The following CDKL5 variants were observed in gnomAD, a reference collection of about 807,000 sequenced individuals.
The protein encoded by CDKL5 is cyclin-dependent kinase-like 5.
Under a neutral mutation model 61.7 loss-of-function variants are expected in CDKL5, and 8 were observed. The ratio of observed to expected loss-of-function variants is 0.13; its 90% CI spans 0.08 to 0.23. CDKL5 has a LOEUF of 0.23. Ranked by LOEUF, CDKL5 falls within the 10% of genes least tolerant of loss-of-function variation. The pLI, the probability that CDKL5 is intolerant of heterozygous loss-of-function variation, is 1.00. For synonymous variants in CDKL5, 275 were observed against 272.3 expected, an observed-to-expected ratio of 1.01 and a Z score of -0.10; for missense variants, 440 against 734.5, an observed-to-expected ratio of 0.60 and a Z score of 4.63.
Position 18,522,794 on chromosome X carries a change from T to A in CDKL5, c.99+11940T>A, listed in dbSNP as rs921997524. ...TGCCAGTGTATAGAAATATTATCGATTTTTTTTTTTTTTTTTTTGGAGACA... is the reference window on the plus strand; with the variant it reads ...TGCCAGTGTATAGAAATATTATCGAATTTTTTTTTTTTTTTTTTGGAGACA... On this transcript the variant is annotated intron_variant, in intron 3 of 17. Transcript: ENST00000623535. 4.8e-3 allele frequency among the ~76,000 whole-genome samples: 425 copies of A among 87,853 alleles called. 2 individuals carry two copies. In the Middle Eastern group the frequency reaches 0.052, roughly 11 times the overall value. 76.3% of individuals were successfully genotyped at this position (87,853 alleles called of 115,157 possible). A position where few individuals can be genotyped will look rare whatever the true frequency, so the allele number is the denominator to read the frequency against.
intron 4 of CDKL5, among the ~76,000 whole-genome samples, chrX:18,569,910 A>G (rs1925085166): frequency 9.0e-6 from 1 of 111,412 alleles, no homozygotes; most frequent in East Asian, 2.8e-4. Flanking sequence ...GCTTTTATAT[A>G]AAATAAAATT....
intron 15 of CDKL5, among the ~76,000 whole-genome samples, chrX:18,618,054 TCCTAGGA>T (rs905537027): frequency 5.3e-5 from 6 of 112,452 alleles, no homozygotes; most frequent in Non-Finnish European, 1.1e-4. Flanking sequence ...TCCTACTTCC[TCCTAGGA>T]CTGGTGTCTC....
At chrX:18,456,149 C>G (rs1200864974) in intron 1 of CDKL5, among the ~76,000 whole-genome samples, 2 of 109,262 alleles carry the variant, frequency 1.8e-5, no homozygotes, top group African/African-American at 6.7e-5. Context: ...AAGTGATTCT[C>G]CTGCCACAGC....
At chrX:18,524,547 T>C in intron 3 of CDKL5, among the ~76,000 whole-genome samples, 1 of 112,267 alleles carries the variant, frequency 8.9e-6, no homozygotes, top group East Asian at 2.8e-4. Flanking sequence ...CCTTCCAGTC[T>C]GTGGCATGTC....
Position 18,619,270 on chromosome X carries a change from G to A in CDKL5, c.2277-597G>A, listed in dbSNP as rs181258477. 6.7e-3 allele frequency among the ~76,000 whole-genome samples: 723 copies of A among 108,372 alleles called. 4 individuals are homozygous for A. Among genetic ancestry groups the A allele is most frequent in the Non-Finnish European group, 9.6e-3 (501 of 52,354 alleles). The allele number at this position is 108,372 out of a possible 115,157, so 94.1% of individuals were successfully genotyped here. A position where few individuals can be genotyped will look rare whatever the true frequency, so the allele number is the denominator to read the frequency against. On this transcript the variant is annotated intron_variant, in intron 15 of 17. Coordinates refer to ENST00000623535, the MANE Select transcript of CDKL5 (RefSeq NM_001323289.2). ...GCCTCCCAAAGTGCTAGGATTACAGGTGTGAGCCACTGCACCTGTCCCTAC... is the reference window on the plus strand; with the variant it reads ...GCCTCCCAAAGTGCTAGGATTACAGATGTGAGCCACTGCACCTGTCCCTAC...
chrX:18,453,127 A>G (rs773711382), intron 1 of CDKL5, among the ~76,000 whole-genome samples: 13 of 111,584 alleles, frequency 1.2e-4, no homozygotes, highest in Admixed American at 2.9e-4. Flanking sequence ...ACTGGGCCTC[A>G]AGTGTTTTTA....
intron 1 of CDKL5, among the ~76,000 whole-genome samples, chrX:18,472,828 G>A (rs1921146824): frequency 9.1e-6 from 1 of 109,715 alleles, no homozygotes; most frequent in Non-Finnish European, 1.9e-5. Flanking sequence ...GGATTTTAGG[G>A]CATGATAAGA....
At chrX:18,618,873 G>A (rs1926800015) in intron 15 of CDKL5, among the ~76,000 whole-genome samples, 2 of 111,033 alleles carry the variant, frequency 1.8e-5, no homozygotes, top group Non-Finnish European at 3.8e-5. Flanking sequence ...GGAGGCTGAG[G>A]CAGGAGAATC....
intron 4 of CDKL5, among the ~76,000 whole-genome samples, chrX:18,568,209 T>A (rs1237532048): frequency 8.9e-6 from 1 of 112,246 alleles, no homozygotes; most frequent in Non-Finnish European, 1.9e-5. Context: ...GAATATTTTG[T>A]GAGAATATAT....
intron 1 of CDKL5, among the ~76,000 whole-genome samples, chrX:18,483,873 G>T (rs988412853): frequency 8.9e-6 from 1 of 112,146 alleles, no homozygotes; most frequent in Admixed American, 9.5e-5. Flanking sequence ...AATTTGAAAT[G>T]TCTGTGGGTT....
At chrX:18,599,859 G>A (rs923995125) in intron 11 of CDKL5, among the ~76,000 whole-genome samples, 6 of 111,930 alleles carry the variant, frequency 5.4e-5, no homozygotes, top group African/African-American at 1.9e-4. Context: ...TTTTGAGACA[G>A]TGTCTTGCTC....
At chrX:18,509,243 A>ACACACACC (rs1922733807) in intron 2 of CDKL5, among the ~76,000 whole-genome samples, 1 of 97,925 alleles carries the variant, frequency 1.0e-5, no homozygotes, top group Admixed American at 1.2e-4. Flanking sequence ...ACACACACAC[A>ACACACACC]CACCCCTGTC....
Position 18,598,026 on chromosome X carries a change from G to A in CDKL5, c.826-436G>A, listed in dbSNP as rs1671537382. ...GTATAGGGAATATCTATGGAAGGAT[G>A]CCTAAGAAACTGGTAACCTAGGCTG... On this transcript the variant is annotated intron_variant, in intron 10 of 17. Transcript: ENST00000623535. 4.5e-5 allele frequency among the ~76,000 whole-genome samples: 5 copies of A among 111,670 alleles called. No homozygotes were observed. The South Asian group carries it at 1.9e-3, about 42-fold the overall frequency.
Position 18,588,157 on chromosome X carries a change from C to A in CDKL5, c.744+14C>A. The A allele has an allele frequency of 1.7e-6, 2 of 1,182,721 alleles. No homozygotes were observed. The highest frequency in any genetic ancestry group is 2.3e-6 in the Non-Finnish European group (2 of 869,324). ...CATGGGCTCCGGGTAAGAGGTTTTGCTGAAACCCAAAATGGAATCAATACT... is the reference window on the plus strand; with the variant it reads ...CATGGGCTCCGGGTAAGAGGTTTTGATGAAACCCAAAATGGAATCAATACT... On this transcript the variant is annotated intron_variant, in intron 9 of 17. Coordinates refer to ENST00000623535, the MANE Select transcript of CDKL5 (RefSeq NM_001323289.2).
At chrX:18,465,648 G>A (rs1932385337) in intron 1 of CDKL5, among the ~76,000 whole-genome samples, 1 of 111,391 alleles carries the variant, frequency 9.0e-6, no homozygotes, top group South Asian at 3.8e-4. Context: ...CAGCCTGGGC[G>A]ATAGAGTGAG....
chrX:18,518,798 CTT>C (rs373457561), intron 3 of CDKL5, among the ~76,000 whole-genome samples: 2 of 102,253 alleles, frequency 2.0e-5, no homozygotes, highest in African/African-American at 3.5e-5. Context: ...AAACCTTTCC[CTT>C]TTTTTTTTTT....
intron 3 of CDKL5, among the ~76,000 whole-genome samples, chrX:18,552,503 T>C (rs1248052276): frequency 2.7e-5 from 3 of 112,290 alleles, no homozygotes; most frequent in Non-Finnish European, 3.8e-5. Context: ...CCTTTTTTGC[T>C]GAGCACATTT....
At chrX:18,628,144 G>T (rs372618326) in intron 17 of CDKL5, among the ~76,000 whole-genome samples, 1 of 111,773 alleles carries the variant, frequency 8.9e-6, no homozygotes, top group Non-Finnish European at 1.9e-5. Context: ...ATTGGCTGCC[G>T]TACCAGCTCT....
chrX:18,641,612 G>A, downstream of CDKL5: 2 of 177,922 alleles, frequency 1.1e-5, no homozygotes, highest in South Asian at 1.0e-4. Context: ...TTAGGAAACT[G>A]TATGTTTCTG....
Sources: allele counts gnomAD v4.1 joint callset (sites outside exome capture counted in the v4.1 genomes callset), GRCh38; gene constraint gnomAD v4.1.1; transcripts MANE v1.5; gene names NCBI Gene and HGNC (gene_info 2026-07-23, HGNC 2026-07-21).